KIF5C: variants seen among roughly 807,000 people sequenced by gnomAD.
The protein encoded by KIF5C is kinesin heavy chain isoform 5C.
KIF5C carries 18 observed loss-of-function variants against 125.2 expected under a neutral mutation model. That is an observed-to-expected ratio of 0.14 (90% CI 0.10 to 0.21). The LOEUF is 0.21. Among genes scored for constraint, KIF5C ranks in the 10% least tolerant of loss-of-function variants. The pLI is 1.00. For synonymous variants in KIF5C, 405 were observed against 434.0 expected, an observed-to-expected ratio of 0.93 and a Z score of 0.83; for missense variants, 780 against 1,183.8, an observed-to-expected ratio of 0.66 and a Z score of 5.01.
At chr2:148,898,229 A>G (rs983987090) in intron 1 of KIF5C, among the ~76,000 whole-genome samples, 18 of 152,232 alleles carry the variant, frequency 1.2e-4, no homozygotes, top group African/African-American at 4.3e-4. Context: ...GGCTCTCTCC[A>G]GTCTGAAAAA....
chr2:148,907,221 A>T (rs1351007569), intron 1 of KIF5C, among the ~76,000 whole-genome samples: 1 of 152,194 alleles, frequency 6.6e-6, no homozygotes, highest in African/African-American at 2.4e-5. Flanking sequence ...ACTGAGAGAG[A>T]GCAGTCCCCT....
chr2:148,941,103 C>A (rs1405085990), intron 4 of KIF5C, among the ~76,000 whole-genome samples: 1 of 152,200 alleles, frequency 6.6e-6, no homozygotes, highest in African/African-American at 2.4e-5. Context: ...TTGTTCAGAT[C>A]TTTCCTGGAT....
At chr2:148,888,270 G>T (rs1681608443) in intron 1 of KIF5C, 1 of 152,258 alleles carries the variant, frequency 6.6e-6, no homozygotes, top group African/African-American at 2.4e-5. Context: ...ACGCCGTGAT[G>T]CAAATCTGCC....
At chr2:148,932,959 C>T (rs1157515150) in intron 3 of KIF5C, among the ~76,000 whole-genome samples, 1 of 152,162 alleles carries the variant, frequency 6.6e-6, no homozygotes. Context: ...TAAAAGATCA[C>T]ATTCCGTGGG....
Position 148,875,594 on chromosome 2 carries a change from G to GC in KIF5C, c.-19dup. 5.4e-6 allele frequency: 3 copies of GC among 550,738 alleles called. No individual in the cohort carries two copies. The highest frequency in any genetic ancestry group is 1.6e-5 in the South Asian group (1 of 61,784). The allele number at this position is 550,738 out of a possible 1,614,324, so 34.1% of individuals were successfully genotyped here. A position where few individuals can be genotyped will look rare whatever the true frequency, so the allele number is the denominator to read the frequency against. On this transcript the variant is annotated 5_prime_UTR_variant, in exon 1 of 26. Transcript: ENST00000435030. ...GCCCCGGCCCCCCACCCATCCCCGT[G>GC]CCCCCTCCCTACCGCCGGCCGAGAT...
chr2:148,980,624 TGTAA>T (rs1218953285), intron 13 of KIF5C, among the ~76,000 whole-genome samples: 2 of 152,104 alleles, frequency 1.3e-5, no homozygotes, highest in South Asian at 2.1e-4. Context: ...TTAAAAATTA[TGTAA>T]GTGTTATTCC....
chr2:148,949,031 T>C (rs557342657), intron 8 of KIF5C, among the ~76,000 whole-genome samples: 33 of 152,312 alleles, frequency 2.2e-4, no homozygotes, highest in African/African-American at 7.7e-4. Flanking sequence ...TAGTTGAACA[T>C]TGCTTCCCCA....
At chr2:148,998,556 G>T in intron 19 of KIF5C, 47 bp downstream of exon 19, 9 of 1,549,266 alleles carry the variant, frequency 5.8e-6, no homozygotes, top group Non-Finnish European at 7.9e-6. Context: ...TCATGCCTCG[G>T]TCCTCTTGGG....
At chr2:148,939,668 C>T (rs1408799638) in intron 4 of KIF5C, among the ~76,000 whole-genome samples, 3 of 152,162 alleles carry the variant, frequency 2.0e-5, no homozygotes, top group African/African-American at 2.4e-5. Context: ...CTTATGCTTA[C>T]TTGTTTTATA....
At chr2:149,003,344 C>T (rs112339245) in intron 21 of KIF5C, among the ~76,000 whole-genome samples, 3,694 of 152,326 alleles carry the variant, frequency 0.024, 138 homozygotes, top group African/African-American at 0.077. Context: ...CCCGGGAAGC[C>T]CGCTGCAGGA....
At chr2:148,926,634 G>T (rs949299591) in intron 2 of KIF5C, among the ~76,000 whole-genome samples, 7 of 152,150 alleles carry the variant, frequency 4.6e-5, no homozygotes, top group African/African-American at 1.7e-4. Context: ...AACGCGCTGG[G>T]CTCCTGCTCC....
chr2:148,973,228 G>A (rs576211468), intron 11 of KIF5C, 108 bp from the exon 12 acceptor site: 7 of 1,427,402 alleles, frequency 4.9e-6, no homozygotes, highest in African/African-American at 2.9e-5. Context: ...GCCCTTTATT[G>A]TGTCTTCTGT....
intron 23 of KIF5C, among the ~76,000 whole-genome samples, 161 bp downstream of exon 23, chr2:149,008,228 T>C (rs1294920357): frequency 6.6e-6 from 1 of 152,204 alleles, no homozygotes; most frequent in Non-Finnish European, 1.5e-5. Context: ...TACAAATCCT[T>C]TAGTTCTCAG....
chr2:148,927,888 CCCCTCCTCTCTCTCCCTGT>C (rs1682064297), intron 2 of KIF5C, among the ~76,000 whole-genome samples: 1 of 151,860 alleles, frequency 6.6e-6, no homozygotes, highest in South Asian at 2.1e-4. Flanking sequence ...CCTCTTGCTC[CCCCTCCTCTCTCTCCCTGT>C]CCCTCCTCTC....
chr2:148,982,454 G>A (rs1164317825), intron 14 of KIF5C, among the ~76,000 whole-genome samples: 1 of 152,230 alleles, frequency 6.6e-6, no homozygotes, highest in Non-Finnish European at 1.5e-5. Flanking sequence ...TTTGTGGAAA[G>A]CATCCAGTTT....
At chr2:149,016,565 G>A (rs1682366289) in intron 25 of KIF5C, among the ~76,000 whole-genome samples, 1 of 152,216 alleles carries the variant, frequency 6.6e-6, no homozygotes. Flanking sequence ...AGCAGTTAGG[G>A]AAACATTGGT....
chr2:148,923,475 G>A (rs1251013661), intron 2 of KIF5C, among the ~76,000 whole-genome samples: 2 of 152,002 alleles, frequency 1.3e-5, no homozygotes, highest in Admixed American at 6.5e-5. Context: ...GACCTATATC[G>A]GGTGGTAATT....
intron 3 of KIF5C, among the ~76,000 whole-genome samples, chr2:148,932,233 C>T (rs756717448): frequency 6.6e-6 from 1 of 152,142 alleles, no homozygotes; most frequent in Non-Finnish European, 1.5e-5. Flanking sequence ...CAAAGGCTTT[C>T]GGAAGGGGAT....
intron 17 of KIF5C, among the ~76,000 whole-genome samples, chr2:148,995,651 A>C (rs563446385): frequency 2.0e-5 from 3 of 152,256 alleles, no homozygotes; most frequent in Non-Finnish European, 4.4e-5. Flanking sequence ...CCTTTTGATC[A>C]TCACACCTCA....
Sources: gnomAD v4.1 joint callset for allele counts (sites outside exome capture counted in the v4.1 genomes callset) on GRCh38, gnomAD v4.1.1 for gene constraint, MANE v1.5 for transcripts, NCBI Gene and HGNC (gene_info 2026-07-23, HGNC 2026-07-21) for gene names.